The following TBC1D8 variants were observed in gnomAD, a reference collection of about 807,000 sequenced individuals.
The protein encoded by TBC1D8 is BUB2-like protein 1.
In TBC1D8, 65 loss-of-function variants were observed where a neutral mutation model predicts 118.8. That is an observed-to-expected ratio of 0.55 (90% CI 0.45 to 0.67). TBC1D8 has a LOEUF of 0.67. TBC1D8 is among the 30% of genes least tolerant of loss of function. TBC1D8 has a pLI of 0.00. For missense variants in TBC1D8, 1,376 were observed against 1,471.2 expected (o/e 0.94, Z 1.06); for synonymous variants, 566 against 595.8 (o/e 0.95, Z 0.73).
At chr2:101,046,791 C>A (rs1681734278) in intron 5 of TBC1D8, among the ~76,000 whole-genome samples, 1 of 152,134 alleles carries the variant, frequency 6.6e-6, no homozygotes, top group Admixed American at 6.5e-5. Context: ...GCTGAGGACA[C>A]CTGCCTCTGG....
chr2:101,120,714 G>C (rs1415536127), intron 1 of TBC1D8, among the ~76,000 whole-genome samples: 1 of 152,234 alleles, frequency 6.6e-6, no homozygotes, highest in Non-Finnish European at 1.5e-5. Flanking sequence ...ACACTGGGTA[G>C]GACACAAAGT....
At position 101,104,871 on chromosome 2, in the gene TBC1D8, G is replaced by A. The variant is rs369374568; in HGVS notation, c.128-14507C>T. On this transcript the variant is annotated intron_variant, in intron 1 of 19. Transcript: ENST00000409318. ...TCTACTAAAAATACAAAAATTAGCC[G>A]GGCATGGTGGCATGCGCCTGTAATC... Among the ~76,000 whole-genome samples the A allele has an allele frequency of 2.4e-3, 372 of 151,934 alleles. 1 individual carries two copies. Among genetic ancestry groups the A allele is most frequent in the African/African-American group, 8.3e-3 (345 of 41,452 alleles).
At chr2:101,044,267 G>A (rs375613817) in intron 5 of TBC1D8, among the ~76,000 whole-genome samples, 7 of 152,204 alleles carry the variant, frequency 4.6e-5, no homozygotes, top group Admixed American at 2.0e-4. Flanking sequence ...TTCACCATTC[G>A]TTAAATATGT....
chr2:101,007,656 C>T lies in TBC1D8; in HGVS notation c.*165G>A, dbSNP rs777943855. On this transcript the variant is annotated 3_prime_UTR_variant, in exon 20 of 20. Coordinates refer to ENST00000409318, the MANE Select transcript of TBC1D8 (RefSeq NM_001330348.2). ...TGACAATTCTCAATACATAGAAATG[C>T]TTGAGGGTTGTGTCGGTTCCCCTGG... 3.2e-4 allele frequency: 218 copies of T among 683,186 alleles called. No homozygotes were observed. The highest frequency in any genetic ancestry group is 4.5e-4 in the Non-Finnish European group (182 of 403,498). 42.3% of individuals were successfully genotyped at this position (683,186 alleles called of 1,614,324 possible). A position where few individuals can be genotyped will look rare whatever the true frequency, so the allele number is the denominator to read the frequency against.
At chr2:101,042,282 A>C (rs1681433402) in intron 5 of TBC1D8, among the ~76,000 whole-genome samples, 1 of 152,126 alleles carries the variant, frequency 6.6e-6, no homozygotes, top group African/African-American at 2.4e-5. Flanking sequence ...GTTTGAAAAT[A>C]CTGATCAAGT....
chr2:101,021,551 C>G, intron 17 of TBC1D8, 130 bp downstream of exon 17: 1 of 662,966 alleles, frequency 1.5e-6, no homozygotes, highest in South Asian at 2.0e-5. Context: ...ACCTGAAACC[C>G]CAAGCCAGAA....
intron 2 of TBC1D8, among the ~76,000 whole-genome samples, chr2:101,081,362 T>C (rs1284067913): frequency 6.6e-6 from 1 of 152,170 alleles, no homozygotes; most frequent in Admixed American, 6.5e-5. Flanking sequence ...CTTTCTGTTT[T>C]CCTGCTCCCC....
intron 3 of TBC1D8, among the ~76,000 whole-genome samples, chr2:101,058,365 G>A (rs1315900676): frequency 2.0e-5 from 3 of 152,306 alleles, no homozygotes; most frequent in East Asian, 3.9e-4. Flanking sequence ...AGCACTTGAC[G>A]TATTAGAAAG....
chr2:101,073,286 A>ATT (rs1558676266), intron 2 of TBC1D8, among the ~76,000 whole-genome samples: 3 of 142,860 alleles, frequency 2.1e-5, no homozygotes, highest in African/African-American at 8.0e-5. Flanking sequence ...ATTTTATTTT[A>ATT]TTTTATTTTA....
At chr2:101,035,597 T>C (rs560527484) in intron 9 of TBC1D8, among the ~76,000 whole-genome samples, 1 of 152,300 alleles carries the variant, frequency 6.6e-6, no homozygotes, top group South Asian at 2.1e-4. Context: ...GAGGGACTCA[T>C]GGCAGCCACA....
intron 2 of TBC1D8, among the ~76,000 whole-genome samples, chr2:101,075,845 A>G (rs1174881771): frequency 1.3e-5 from 2 of 152,232 alleles, no homozygotes; most frequent in Non-Finnish European, 2.9e-5. Context: ...TACCAAAAAA[A>G]TCCTGCAATT....
At position 101,008,122 on chromosome 2, in the gene TBC1D8, G is replaced by T. The variant is rs376246458; in HGVS notation, c.3167C>A (p.Ser1056Tyr). The change falls in exon 20 of 20, where the codon TCC becomes TAC. Residue 1056 changes from serine (S) to tyrosine (Y), a missense_variant. By Grantham distance (144) the Ser-to-Tyr change is moderately radical. Transcript: ENST00000409318. ...GQRGSSSGSC[S>Y]QECGEELRAS... ...CCGCAGCTCCTCCCCACACTCCTGGGAGCAGCTTCCAGAGCTGCTGCCTCG... is the reference window on the plus strand; with the variant it reads ...CCGCAGCTCCTCCCCACACTCCTGGTAGCAGCTTCCAGAGCTGCTGCCTCG... 2.2e-5 allele frequency: 35 copies of T among 1,613,742 alleles called. No individual in the cohort carries two copies. Among genetic ancestry groups the T allele is most frequent in the Non-Finnish European group, 2.9e-5 (34 of 1,179,836 alleles).
intron 2 of TBC1D8, among the ~76,000 whole-genome samples, chr2:101,074,660 T>G (rs1468159690): frequency 6.6e-6 from 1 of 152,212 alleles, no homozygotes; most frequent in Non-Finnish European, 1.5e-5. Context: ...TATTTAGAAA[T>G]GGTGTGCGTG....
intron 5 of TBC1D8, among the ~76,000 whole-genome samples, chr2:101,041,791 G>A (rs1558647126): frequency 2.6e-5 from 4 of 152,144 alleles, no homozygotes; most frequent in South Asian, 2.1e-4. Context: ...TTGGGAGGCC[G>A]TGCAGGTGGA....
chr2:101,057,735 G>A (rs1047420380), intron 3 of TBC1D8, among the ~76,000 whole-genome samples: 1 of 152,118 alleles, frequency 6.6e-6, no homozygotes, highest in African/African-American at 2.4e-5. Flanking sequence ...GAGGCAGGAG[G>A]ATCACTTGAG....
intron 2 of TBC1D8, among the ~76,000 whole-genome samples, chr2:101,085,879 C>T (rs1402011172): frequency 6.6e-6 from 1 of 152,190 alleles, no homozygotes; most frequent in Admixed American, 6.5e-5. Flanking sequence ...CGGCGGCTCA[C>T]GCCTGTAACC....
chr2:101,023,905 C>G (rs1680189060), intron 15 of TBC1D8: 1 of 163,874 alleles, frequency 6.1e-6, no homozygotes, highest in African/African-American at 2.4e-5. Context: ...GACCAAAATG[C>G]CATTTATAAT....
intron 1 of TBC1D8, among the ~76,000 whole-genome samples, chr2:101,130,773 A>G (rs1163759535): frequency 1.3e-5 from 2 of 152,230 alleles, no homozygotes; most frequent in Non-Finnish European, 2.9e-5. Context: ...TGCTACATCC[A>G]GGTGCCTGGG....
At chr2:101,053,077 C>G (rs1682172474) in intron 4 of TBC1D8, among the ~76,000 whole-genome samples, 1 of 152,086 alleles carries the variant, frequency 6.6e-6, no homozygotes, top group African/African-American at 2.4e-5. Flanking sequence ...TTGCTGGGAC[C>G]CAGCATAAAA....
Sources: gnomAD v4.1 joint callset for allele counts (sites outside exome capture counted in the v4.1 genomes callset) on GRCh38, gnomAD v4.1.1 for gene constraint, MANE v1.5 for transcripts, NCBI Gene and HGNC (gene_info 2026-07-23, HGNC 2026-07-21) for gene names.